Variants in CSRNP3 observed in about 807,000 individuals in gnomAD.
CSRNP3 encodes the protein cysteine/serine-rich nuclear protein 3.
In CSRNP3, 12 loss-of-function variants were observed where a neutral mutation model predicts 48.0. The ratio of observed to expected loss-of-function variants is 0.25; its 90% confidence interval spans 0.16 to 0.41. The LOEUF is 0.41. CSRNP3 is among the 10% of genes least tolerant of loss of function. The pLI is 1.00. For missense variants in CSRNP3, 580 were observed against 724.4 expected, an observed-to-expected ratio of 0.80 and a Z score of 2.29; for synonymous variants, 263 against 269.7, an observed-to-expected ratio of 0.98 and a Z score of 0.24.
At chr2:165,554,009 T>C (rs1261622784) in intron 3 of CSRNP3, among the ~76,000 whole-genome samples, 4 of 152,214 alleles carry the variant, frequency 2.6e-5, no homozygotes, top group African/African-American at 9.6e-5. Flanking sequence ...TACAACTTCA[T>C]CAAAACTGCT....
At chr2:165,607,649 G>A (rs899671173) in intron 4 of CSRNP3, among the ~76,000 whole-genome samples, 16 of 152,112 alleles carry the variant, frequency 1.1e-4, no homozygotes, top group Non-Finnish European at 1.6e-4. Context: ...TTGATCATCA[G>A]TAAAGTAGTT....
chr2:165,513,778 G>T (rs1260284234), intron 2 of CSRNP3, among the ~76,000 whole-genome samples: 2 of 152,162 alleles, frequency 1.3e-5, no homozygotes, highest in African/African-American at 4.8e-5. Flanking sequence ...TGCCAATCAA[G>T]ATAGCAGCTG....
chr2:165,679,411 G>C lies in CSRNP3; in HGVS notation c.1416G>C (p.Met472Ile). The change falls in exon 7 of 7, where the codon ATG (methionine) becomes ATC (isoleucine). Residue 472 changes from methionine to isoleucine, a missense_variant. Met to Ile is a conservative substitution (Grantham distance 10). Coordinates refer to ENST00000651982, the MANE Select transcript of CSRNP3 (RefSeq NM_001172173.2). Reference sequence around the variant, plus strand: ...CCCTTTCGCTGGTGCCTTACACCATGACCCCGGAGCAATTCGTTGACTATG... The same window carrying C: ...CCCTTTCGCTGGTGCCTTACACCATCACCCCGGAGCAATTCGTTGACTATG... ...NGTLSLVPYT[M>I]TPEQFVDYAR... 1 of 1,612,956 alleles carries C rather than the reference G, an allele frequency of 6.2e-7. No homozygotes were observed. Among genetic ancestry groups the C allele is most frequent in the Non-Finnish European group, 8.5e-7 (1 of 1,179,562 alleles).
At chr2:165,590,943 G>A (rs1438706837) in intron 3 of CSRNP3, among the ~76,000 whole-genome samples, 1 of 150,488 alleles carries the variant, frequency 6.6e-6, no homozygotes, top group Non-Finnish European at 1.5e-5. Flanking sequence ...TGAAACTGTG[G>A]AAGTGACTTT....
At chr2:165,566,192 G>A (rs1227275630) in intron 3 of CSRNP3, among the ~76,000 whole-genome samples, 3 of 133,050 alleles carry the variant, frequency 2.3e-5, no homozygotes, top group Admixed American at 1.5e-4. Context: ...CATTACAAAT[G>A]CACAATCCTA....
At chr2:165,588,710 T>C (rs1685669721) in intron 3 of CSRNP3, among the ~76,000 whole-genome samples, 1 of 152,140 alleles carries the variant, frequency 6.6e-6, no homozygotes, top group Non-Finnish European at 1.5e-5. Flanking sequence ...ATCCCAGCAC[T>C]CTGGGGGGTC....
At chr2:165,619,727 T>C (rs1686309174) in intron 4 of CSRNP3, among the ~76,000 whole-genome samples, 1 of 152,178 alleles carries the variant, frequency 6.6e-6, no homozygotes, top group African/African-American at 2.4e-5. Flanking sequence ...TATATTTCCC[T>C]AGTAGTCAGT....
At chr2:165,587,469 G>A (rs542755458) in intron 3 of CSRNP3, among the ~76,000 whole-genome samples, 149 of 152,368 alleles carry the variant, frequency 9.8e-4, no homozygotes, top group African/African-American at 3.3e-3. Context: ...TGGCCACGTA[G>A]TTGAATGATC....
chr2:165,585,495 T>C (rs1461261472), intron 3 of CSRNP3, among the ~76,000 whole-genome samples: 1 of 152,164 alleles, frequency 6.6e-6, no homozygotes, highest in Non-Finnish European at 1.5e-5. Flanking sequence ...ATTACGTTCC[T>C]TTCTGAGTAA....
At chr2:165,592,801 CATTTTTTTTTT>C (rs1685740642) in intron 3 of CSRNP3, among the ~76,000 whole-genome samples, 1 of 133,444 alleles carries the variant, frequency 7.5e-6, no homozygotes, top group Non-Finnish European at 1.6e-5. Flanking sequence ...AACCTCTTTT[CATTTTTTTTTT>C]TTTTTTTGAG....
At chr2:165,641,562 C>A (rs1686722269) in intron 4 of CSRNP3, among the ~76,000 whole-genome samples, 1 of 152,130 alleles carries the variant, frequency 6.6e-6, no homozygotes, top group African/African-American at 2.4e-5. Flanking sequence ...CTTCTTCTCA[C>A]TTTTTCCTTT....
chr2:165,510,365 T>G (rs536298726), intron 2 of CSRNP3, among the ~76,000 whole-genome samples: 1 of 152,252 alleles, frequency 6.6e-6, no homozygotes, highest in South Asian at 2.1e-4. Flanking sequence ...CCATATAGAC[T>G]CATATATATT....
At chr2:165,612,418 T>C (rs998562196) in intron 4 of CSRNP3, among the ~76,000 whole-genome samples, 1 of 152,096 alleles carries the variant, frequency 6.6e-6, no homozygotes, top group African/African-American at 2.4e-5. Flanking sequence ...TTTCTCTGTG[T>C]TGTGAACATT....
At chr2:165,552,840 G>T (rs1379761115) in intron 3 of CSRNP3, among the ~76,000 whole-genome samples, 1 of 151,928 alleles carries the variant, frequency 6.6e-6, no homozygotes, top group East Asian at 1.9e-4. Context: ...GACTACAGGT[G>T]TGTGCCACCA....
At chr2:165,573,078 A>T (rs1685396811) in intron 3 of CSRNP3, among the ~76,000 whole-genome samples, 1 of 152,056 alleles carries the variant, frequency 6.6e-6, no homozygotes, top group African/African-American at 2.4e-5. Context: ...TAAAAAATTT[A>T]AAAACAAGGA....
At chr2:165,650,832 C>G (rs1035008934) in intron 4 of CSRNP3, among the ~76,000 whole-genome samples, 1 of 152,186 alleles carries the variant, frequency 6.6e-6, no homozygotes, top group Non-Finnish European at 1.5e-5. Context: ...CTGGCATTTT[C>G]CTTTTGATCA....
intron 3 of CSRNP3, among the ~76,000 whole-genome samples, chr2:165,544,207 G>A (rs1168129625): frequency 2.0e-5 from 3 of 152,024 alleles, no homozygotes; most frequent in African/African-American, 4.8e-5. Context: ...AAGAAATTGA[G>A]CAGGTAGCCA....
At chr2:165,532,482 A>G (rs1357908699) in intron 3 of CSRNP3, among the ~76,000 whole-genome samples, 1 of 152,194 alleles carries the variant, frequency 6.6e-6, no homozygotes, top group Non-Finnish European at 1.5e-5. Flanking sequence ...CAATAGATGC[A>G]GAAAAGGCCT....
intron 4 of CSRNP3, among the ~76,000 whole-genome samples, chr2:165,599,363 G>T (rs1353817185): frequency 1.6e-5 from 2 of 125,832 alleles, no homozygotes; most frequent in Non-Finnish European, 3.5e-5. Context: ...AGGAAGTAAA[G>T]ATCTGAGGTT....
Sources: allele counts gnomAD v4.1 joint callset (sites outside exome capture counted in the v4.1 genomes callset), GRCh38; gene constraint gnomAD v4.1.1; transcripts MANE v1.5; gene names NCBI Gene and HGNC (gene_info 2026-07-23, HGNC 2026-07-21).